MAPKAPK2: variants seen among roughly 807,000 people sequenced by gnomAD.
The protein encoded by MAPKAPK2 is MAP kinase-activated protein kinase 2.
Under a neutral mutation model 48.8 loss-of-function variants are expected in MAPKAPK2, and 9 were observed. The observed-to-expected ratio is 0.18, with a 90% CI of 0.11 to 0.32. The LOEUF is 0.32. Among genes scored for constraint, MAPKAPK2 ranks in the 10% least tolerant of loss-of-function variants. The pLI, the probability that MAPKAPK2 is intolerant of heterozygous loss-of-function variation, is 1.00. For synonymous variants in MAPKAPK2, 202 were observed against 190.6 expected (o/e 1.06, Z -0.49); for missense variants, 331 against 498.3 (o/e 0.66, Z 3.20).
chr1:206,691,762 C>T (rs1672468360), intron 1 of MAPKAPK2, among the ~76,000 whole-genome samples: 1 of 151,956 alleles, frequency 6.6e-6, no homozygotes. Context: ...GGAGGGCAGG[C>T]AGGATAGCTT....
At chr1:206,729,599 C>A in intron 4 of MAPKAPK2, 124 bp downstream of exon 4, 1 of 855,790 alleles carries the variant, frequency 1.2e-6, no homozygotes, top group East Asian at 2.4e-5. Context: ...GCATGCCATT[C>A]TCTGCCTTGT....
rs7868 is a variant in MAPKAPK2 at position 206,734,137 on chromosome 1, C to T, written c.*1419C>T. ...CCCTCAGGGGCAGGTGGTGGAGGGG[C>T]GCCCAGGGTCGTCTTTGTGTATGGG... is the stretch of plus-strand genomic sequence containing the variant. On this transcript the variant is annotated 3_prime_UTR_variant, in exon 10 of 10. Transcript: ENST00000367103. 5,457 of 152,818 alleles carry T rather than the reference C, an allele frequency of 0.036. 146 individuals carry two copies. Among genetic ancestry groups the T allele is most frequent in the Middle Eastern group, 0.11 (31 of 294 alleles). The allele number at this position is 152,818 out of a possible 1,614,324, so 9.5% of individuals were successfully genotyped here.
At chr1:206,708,204 G>C (rs547009792) in intron 1 of MAPKAPK2, among the ~76,000 whole-genome samples, 1 of 152,252 alleles carries the variant, frequency 6.6e-6, no homozygotes, top group East Asian at 1.9e-4. Context: ...TTGCAATTCT[G>C]CCCTCCGCAG....
chr1:206,688,217 CTTAT>C (rs1226493431), intron 1 of MAPKAPK2, among the ~76,000 whole-genome samples: 1 of 152,172 alleles, frequency 6.6e-6, no homozygotes. Context: ...GTCCAGCCCC[CTTAT>C]TTTGCAGAAG....
At chr1:206,687,239 A>G (rs1286418281) in intron 1 of MAPKAPK2, among the ~76,000 whole-genome samples, 1 of 152,234 alleles carries the variant, frequency 6.6e-6, no homozygotes, top group Non-Finnish European at 1.5e-5. Context: ...TCTGCTCTGT[A>G]TTCTGTTTAA....
intron 1 of MAPKAPK2, among the ~76,000 whole-genome samples, chr1:206,702,301 A>G (rs1672821812): frequency 6.6e-6 from 1 of 152,194 alleles, no homozygotes; most frequent in South Asian, 2.1e-4. Context: ...AGTCTTCAGC[A>G]GATATTTGAG....
intron 1 of MAPKAPK2, among the ~76,000 whole-genome samples, chr1:206,701,354 C>T (rs1672787873): frequency 6.6e-6 from 1 of 152,052 alleles, no homozygotes; most frequent in Non-Finnish European, 1.5e-5. Context: ...TTATGTGGCA[C>T]AGATAGAGAA....
At chr1:206,728,087 C>T (rs1673764926) in intron 1 of MAPKAPK2, among the ~76,000 whole-genome samples, 1 of 152,116 alleles carries the variant, frequency 6.6e-6, no homozygotes, top group Non-Finnish European at 1.5e-5. Context: ...CCAATTGGTC[C>T]AGGGAGAAGA....
chr1:206,716,867 A>G (rs75968672), intron 1 of MAPKAPK2, among the ~76,000 whole-genome samples: 2,761 of 151,800 alleles, frequency 0.018, 48 homozygotes, highest in African/African-American at 0.04. Context: ...TTTAGCTTAA[A>G]GCCAACTTGG....
Position 206,732,281 on chromosome 1 carries a change from G to A in MAPKAPK2, c.1060-294G>A. The stretch of plus-strand genomic sequence containing the variant: ...GCTGGTGACTGGTTGGGGCAGACCG[G>A]ACCCAGGTTTCCTGACTCCTGGCCC... On this transcript the variant is annotated intron_variant, in intron 9 of 9. Coordinates refer to ENST00000367103, the MANE Select transcript of MAPKAPK2 (RefSeq NM_032960.4). This position sits in a 1 kb window ranked among gnomAD's most constrained non-coding sequence, Gnocchi z 4.4. 6.9e-7 allele frequency: 1 copy of A among 1,451,168 alleles called. No individual in the cohort carries two copies. The highest frequency in any genetic ancestry group is 2.6e-5 in the Admixed American group (1 of 37,782). The allele number at this position is 1,451,168 out of a possible 1,614,324, so 89.9% of individuals were successfully genotyped here.
At position 206,729,572 on chromosome 1, in the gene MAPKAPK2, T is replaced by C. The variant is rs540662805; in HGVS notation, c.564+97T>C. 8 of 1,035,440 alleles carry C rather than the reference T, an allele frequency of 7.7e-6. No homozygotes were observed. In the African/African-American group the frequency reaches 1.1e-4, roughly 14 times the overall value. The allele number at this position is 1,035,440 out of a possible 1,614,324, so 64.1% of individuals were successfully genotyped here. A position where few individuals can be genotyped will look rare whatever the true frequency, so the allele number is the denominator to read the frequency against. ...TGGTTGCCAGGCCACCCTGCGTCCT[T>C]GCTGCCTGGTTCCTGAGCATGCCAT... On this transcript the variant is annotated intron_variant, in intron 4 of 9. Transcript: ENST00000367103.
chr1:206,730,221 T>A, intron 5 of MAPKAPK2, 123 bp downstream of exon 5: 2 of 1,187,330 alleles, frequency 1.7e-6, no homozygotes, highest in Non-Finnish European at 2.4e-6. Context: ...CTTCTGGTGC[T>A]GGTTCTGCTG....
At chr1:206,729,823 G>C in intron 4 of MAPKAPK2, 149 bp from the exon 5 acceptor site, 1 of 940,102 alleles carries the variant, frequency 1.1e-6, no homozygotes, top group East Asian at 2.5e-5. Context: ...TGCCCATAGA[G>C]AGCTGCCACT....
At chr1:206,730,918 T>C (rs1247688536) in intron 6 of MAPKAPK2, among the ~76,000 whole-genome samples, 155 bp downstream of exon 6, 2 of 151,948 alleles carry the variant, frequency 1.3e-5, no homozygotes, top group Non-Finnish European at 2.9e-5. Context: ...AAGTGGCGGG[T>C]GTAAACCAGC....
chr1:206,718,514 C>CA (rs1334808966), intron 1 of MAPKAPK2, among the ~76,000 whole-genome samples: 4 of 121,734 alleles, frequency 3.3e-5, no homozygotes, highest in African/African-American at 1.3e-4. Flanking sequence ...GCCTGGGCGA[C>CA]AGAGCAAGAC....
chr1:206,708,285 C>G (rs1673028009), intron 1 of MAPKAPK2, among the ~76,000 whole-genome samples: 1 of 152,220 alleles, frequency 6.6e-6, no homozygotes, highest in African/African-American at 2.4e-5. Flanking sequence ...CCAGCCACCT[C>G]TTGTTTCCCC....
intron 1 of MAPKAPK2, among the ~76,000 whole-genome samples, chr1:206,720,893 C>T (rs1351400745): frequency 6.6e-6 from 1 of 152,094 alleles, no homozygotes; most frequent in Non-Finnish European, 1.5e-5. Flanking sequence ...CCACATTTCC[C>T]CATTTAATAT....
At chr1:206,713,339 G>T (rs1369753820) in intron 1 of MAPKAPK2, among the ~76,000 whole-genome samples, 1 of 152,198 alleles carries the variant, frequency 6.6e-6, no homozygotes, top group East Asian at 1.9e-4. Flanking sequence ...GGCCTGGCTT[G>T]CCTGAGGTCA....
intron 1 of MAPKAPK2, among the ~76,000 whole-genome samples, chr1:206,707,794 G>A (rs1553428832): frequency 6.6e-6 from 1 of 152,200 alleles, no homozygotes; most frequent in Non-Finnish European, 1.5e-5. Flanking sequence ...AGTCCACATG[G>A]AGACAGTTGA....
Sources: gnomAD v4.1 joint callset for allele counts (sites outside exome capture counted in the v4.1 genomes callset) on GRCh38, gnomAD v4.1.1 for gene constraint, Gnocchi (gnomAD v3.1) non-coding constraint, MANE v1.5 for transcripts, NCBI Gene and HGNC (gene_info 2026-07-23, HGNC 2026-07-21) for gene names.